Variants in RABGAP1L observed in about 807,000 individuals in gnomAD.
RABGAP1L encodes the protein rab GTPase-activating protein 1-like.
A neutral mutation model predicts 137.7 loss-of-function variants in RABGAP1L; 63 were observed. The ratio of observed to expected loss-of-function variants is 0.46; its 90% CI spans 0.37 to 0.56. The LOEUF (loss-of-function observed/expected upper bound fraction) is 0.56, where lower values mean the gene tolerates loss of function less well. RABGAP1L is among the 20% of genes least tolerant of loss of function. The pLI, the probability that RABGAP1L is intolerant of heterozygous loss-of-function variation, is 0.00. For missense variants in RABGAP1L, 1,095 were observed against 1,244.0 expected (o/e 0.88, Z 1.80); for synonymous variants, 431 against 433.7 (o/e 0.99, Z 0.08).
chr1:174,879,433 T>G (rs577907276), intron 19 of RABGAP1L, among the ~76,000 whole-genome samples: 21 of 151,662 alleles, frequency 1.4e-4, no homozygotes, highest in Non-Finnish European at 2.4e-4. Flanking sequence ...CGGTATTTCA[T>G]CATGTTGGCC....
intron 13 of RABGAP1L, among the ~76,000 whole-genome samples, chr1:174,505,332 T>C (rs1661718802): frequency 6.6e-6 from 1 of 152,224 alleles, no homozygotes; most frequent in Non-Finnish European, 1.5e-5. Context: ...TTTATTTTCC[T>C]AGAATCAGGG....
At chr1:174,480,811 T>A (rs1366754746) in intron 13 of RABGAP1L, among the ~76,000 whole-genome samples, 5 of 152,334 alleles carry the variant, frequency 3.3e-5, no homozygotes, top group Middle Eastern at 3.4e-3. Flanking sequence ...ATATAACCCT[T>A]CCACGGGTGA....
intron 13 of RABGAP1L, among the ~76,000 whole-genome samples, chr1:174,551,023 C>CAT: frequency 1.2e-5 from 1 of 86,622 alleles, no homozygotes; most frequent in Non-Finnish European, 2.2e-5. Flanking sequence ...TATATATATA[C>CAT]ATACACACAC....
chr1:174,887,734 T>C (rs1655409366), intron 19 of RABGAP1L, among the ~76,000 whole-genome samples: 1 of 152,096 alleles, frequency 6.6e-6, no homozygotes, highest in Non-Finnish European at 1.5e-5. Context: ...CAATTGTATT[T>C]AAATACAATT....
chr1:174,879,359 A>C (rs1459527620), intron 19 of RABGAP1L, among the ~76,000 whole-genome samples: 2 of 151,958 alleles, frequency 1.3e-5, no homozygotes, highest in Non-Finnish European at 2.9e-5. Context: ...CGGCCTCCCA[A>C]AGTGCTGGGA....
intron 7 of RABGAP1L, 79 bp downstream of exon 7, chr1:174,252,669 T>G: frequency 6.5e-7 from 1 of 1,527,450 alleles, no homozygotes; most frequent in Non-Finnish European, 8.7e-7. Flanking sequence ...TCAGTGTGGC[T>G]TTTCACTATA....
At position 174,994,228 on chromosome 1, in the gene RABGAP1L, T is replaced by C. The variant is rs1672236719; in HGVS notation, c.*4227T>C. On this transcript the variant is annotated 3_prime_UTR_variant, in exon 26 of 26. Coordinates refer to ENST00000681986, the MANE Select transcript of RABGAP1L (RefSeq NM_001366446.1). ...GTGACCAAAATGAGGACTTCAACCTTGGCTGCACCTCAATAGGAGATGCTG... is the reference window on the plus strand; with the variant it reads ...GTGACCAAAATGAGGACTTCAACCTCGGCTGCACCTCAATAGGAGATGCTG... 6.6e-6 allele frequency: 1 copy of C among 152,156 alleles called. No homozygotes were observed. The highest frequency in any genetic ancestry group is 2.1e-4 in the South Asian group (1 of 4,834). The allele number at this position is 152,156 out of a possible 1,614,324, so 9.4% of individuals were successfully genotyped here.
intron 1 of RABGAP1L, among the ~76,000 whole-genome samples, chr1:174,165,171 T>C (rs1664799702): frequency 1.3e-5 from 2 of 152,158 alleles, no homozygotes; most frequent in Admixed American, 1.3e-4. Flanking sequence ...TGTTTGTTTG[T>C]TTGTTTTTCG....
chr1:174,557,244 A>G (rs1666939377), intron 13 of RABGAP1L, among the ~76,000 whole-genome samples: 1 of 152,220 alleles, frequency 6.6e-6, no homozygotes, highest in Non-Finnish European at 1.5e-5. Flanking sequence ...CAGGTCTAAT[A>G]TCTTCAATTT....
chr1:174,673,725 T>C (rs1231454033), intron 14 of RABGAP1L, among the ~76,000 whole-genome samples: 3 of 152,182 alleles, frequency 2.0e-5, no homozygotes, highest in East Asian at 3.8e-4. Flanking sequence ...AGTGACTTCA[T>C]TGTGCTTTTA....
chr1:174,545,959 G>A lies in RABGAP1L; in HGVS notation c.1711-91416G>A, dbSNP rs561690750. On this transcript the variant is annotated intron_variant, in intron 13 of 25. Coordinates refer to ENST00000681986, the MANE Select transcript of RABGAP1L (RefSeq NM_001366446.1). ...ACACATGTTGCTTGCAATCTATATGGCATCTATTTTAGCATTAAAGTAGAA... is the reference window on the plus strand; with the variant it reads ...ACACATGTTGCTTGCAATCTATATGACATCTATTTTAGCATTAAAGTAGAA... 7 of 152,170 alleles carry A rather than the reference G, an allele frequency of 4.6e-5. No homozygotes were observed. The South Asian group carries it at 1.5e-3, about 32-fold the overall frequency. The allele number at this position is 152,170 out of a possible 1,614,324, so 9.4% of individuals were successfully genotyped here. A position where few individuals can be genotyped will look rare whatever the true frequency, so the allele number is the denominator to read the frequency against.
At chr1:174,792,162 T>C (rs907648801) in intron 18 of RABGAP1L, among the ~76,000 whole-genome samples, 23 of 152,242 alleles carry the variant, frequency 1.5e-4, no homozygotes, top group African/African-American at 5.3e-4. Context: ...CAGTCACTTA[T>C]CTACTGCCTC....
At chr1:174,734,954 C>CTTTTT (rs756783714) in intron 17 of RABGAP1L, among the ~76,000 whole-genome samples, 5 of 96,098 alleles carry the variant, frequency 5.2e-5, no homozygotes, top group African/African-American at 8.8e-5. Context: ...GGATCTCTCT[C>CTTTTT]TTTTTTTTTT....
intron 19 of RABGAP1L, among the ~76,000 whole-genome samples, chr1:174,819,718 T>G (rs1690824314): frequency 6.6e-6 from 1 of 152,166 alleles, no homozygotes; most frequent in South Asian, 2.1e-4. Context: ...TTGACTGTAC[T>G]TCAGAGAATG....
At chr1:174,907,906 A>G (rs1177730071) in intron 19 of RABGAP1L, among the ~76,000 whole-genome samples, 3 of 152,238 alleles carry the variant, frequency 2.0e-5, no homozygotes, top group Non-Finnish European at 4.4e-5. Context: ...ACCCAGCTAT[A>G]TGCTGCCTTC....
At chr1:174,220,728 T>C (rs1400552550) in intron 2 of RABGAP1L, 10 of 284,168 alleles carry the variant, frequency 3.5e-5, no homozygotes, top group Non-Finnish European at 6.4e-5. Context: ...ATATAAAATG[T>C]AGTTGGAAAC....
At chr1:174,497,345 G>T (rs1241491235) in intron 13 of RABGAP1L, among the ~76,000 whole-genome samples, 2 of 152,134 alleles carry the variant, frequency 1.3e-5, no homozygotes, top group African/African-American at 4.8e-5. Flanking sequence ...TACTTTGCAA[G>T]GATCAATGTG....
chr1:174,875,708 T>TA, intron 19 of RABGAP1L: 1 of 984,768 alleles, frequency 1.0e-6, no homozygotes, highest in Non-Finnish European at 1.2e-6. Flanking sequence ...ATAAGGAGTT[T>TA]AAAAGGTATG....
chr1:174,300,092 C>T (rs1047165935), intron 10 of RABGAP1L, among the ~76,000 whole-genome samples: 1 of 152,198 alleles, frequency 6.6e-6, no homozygotes, highest in Non-Finnish European at 1.5e-5. Context: ...GATTTTTGAA[C>T]ATATATTATC....
Sources: gnomAD v4.1 joint callset for allele counts (sites outside exome capture counted in the v4.1 genomes callset) on GRCh38, gnomAD v4.1.1 for gene constraint, MANE v1.5 for transcripts, NCBI Gene and HGNC (gene_info 2026-07-23, HGNC 2026-07-21) for gene names.